Variants in MAGEA8 observed in about 807,000 individuals in gnomAD.
The protein encoded by MAGEA8 is MAGE family member A8.
For synonymous variants in MAGEA8, 104 were observed against 102.6 expected (o/e 1.01, Z -0.08); for missense variants, 229 against 251.1 (o/e 0.91, Z 0.59).
At chrX:149,881,576 G>C (rs2090727723) in intron 1 of MAGEA8, among the ~76,000 whole-genome samples, 2 of 92,451 alleles carry the variant, frequency 2.2e-5, no homozygotes, top group African/African-American at 7.9e-5. Context: ...CCTACTGTCA[G>C]CCCTGGGAAG....
intron 1 of MAGEA8, among the ~76,000 whole-genome samples, chrX:149,881,835 T>G (rs1557370591): frequency 9.1e-6 from 1 of 110,094 alleles, no homozygotes; most frequent in East Asian, 2.9e-4. Context: ...TGTCTGAGAC[T>G]GAGGGGCCTC....
chrX:149,884,289 A>C lies in MAGEA8; in HGVS notation c.17A>C (p.Lys6Thr). 1.7e-6 allele frequency: 2 copies of C among 1,194,764 alleles called. No individual in the cohort carries two copies. The highest frequency in any genetic ancestry group is 2.3e-6 in the Non-Finnish European group (2 of 886,954). MLLGQ[K>T]SQRYKAEEGL... is the part of the protein sequence containing the mutation. The stretch of plus-strand genomic sequence containing the variant: ...TGAGTCATCATGCTTCTTGGGCAGA[A>C]GAGTCAGCGCTACAAGGCTGAGGAA... The change falls in exon 3 of 3, where the codon AAG becomes ACG. Residue 6 changes from lysine (K) to threonine (T), a missense_variant. Transcript: ENST00000286482.
intron 1 of MAGEA8, chrX:149,883,180 T>C (rs1195622520): frequency 8.9e-6 from 1 of 111,855 alleles, no homozygotes; most frequent in Non-Finnish European, 1.9e-5. Context: ...ACCAGACTCA[T>C]TGGTCTCAGG....
rs184097953 is a variant in MAGEA8 at position 149,881,892 on chromosome X, G to T, written c.-126+607G>T. Among the ~76,000 whole-genome samples the T allele has an allele frequency of 4.5e-5, 5 of 109,954 alleles. 1 individual carries two copies. The highest frequency in any genetic ancestry group is 8.5e-3 in the Middle Eastern group (2 of 234). ...GAGGGACTGAAACTCAAGTCAGCAGGGGGGTGGTGAACAGCCCTGCCAGGA... is the reference window on the plus strand; with the variant it reads ...GAGGGACTGAAACTCAAGTCAGCAGTGGGGTGGTGAACAGCCCTGCCAGGA... On this transcript the variant is annotated intron_variant, in intron 1 of 2. Coordinates refer to ENST00000286482, the MANE Select transcript of MAGEA8 (RefSeq NM_005364.5).
chrX:149,883,994 C>A, intron 1 of MAGEA8, 79 bp from the exon 2 acceptor site: 1 of 321,311 alleles, frequency 3.1e-6, no homozygotes, highest in South Asian at 9.2e-5. Context: ...CTGGCCCTAC[C>A]AGCCCTTTTG....
chrX:149,882,235 C>G (rs1557370646), intron 1 of MAGEA8, among the ~76,000 whole-genome samples: 2 of 110,908 alleles, frequency 1.8e-5, no homozygotes, highest in African/African-American at 6.6e-5. Context: ...GGTAGGGGGC[C>G]TCAAGGAGAT....
chrX:149,881,621 ATGGCGGCCGG>A lies in MAGEA8; in HGVS notation c.-126+337_-126+346del, dbSNP rs2090729341. On this transcript the variant is annotated intron_variant, in intron 1 of 2. Coordinates refer to ENST00000286482, the MANE Select transcript of MAGEA8 (RefSeq NM_005364.5). ...TGGCGGCCGGGCATGGCGGCCGGGC[ATGGCGGCCGG>A]GCATGGCGGCCGGGCATGGCGGCCG... Among the ~76,000 whole-genome samples, 770 of 104,890 alleles carry A rather than the reference ATGGCGGCCGG, an allele frequency of 7.3e-3. 4 individuals are homozygous for A. Among genetic ancestry groups the A allele is most frequent in the Non-Finnish European group, 0.011 (518 of 48,803 alleles). The allele number at this position is 104,890 out of a possible 115,157, so 91.1% of individuals were successfully genotyped here. A position where few individuals can be genotyped will look rare whatever the true frequency, so the allele number is the denominator to read the frequency against.
At chrX:149,883,415 GA>G (rs1359111441) in intron 1 of MAGEA8, 6 of 111,860 alleles carry the variant, frequency 5.4e-5, no homozygotes, top group Non-Finnish European at 9.4e-5. Flanking sequence ...TTGGATTAAG[GA>G]AGTGGCCTCA....
chrX:149,884,338 A>G lies in MAGEA8; in HGVS notation c.66A>G (p.Ala22=). ...AEEGLQAQGE[A]PGLMDVQIPT... ...AAGGCCTTCAGGCCCAAGGAGAGGC[A>G]CCAGGGCTTATGGATGTGCAGATTC... Residue 22 remains alanine (A), a synonymous_variant, in exon 3 of 3, where the codon GCA becomes GCG. Transcript: ENST00000286482. The G allele has an allele frequency of 8.3e-7, 1 of 1,208,722 alleles. No homozygotes were observed. Among genetic ancestry groups the G allele is most frequent in the South Asian group, 1.8e-5 (1 of 56,289 alleles).
rs2090754129 is a variant in MAGEA8, at chrX:149,885,007, C to T, written c.735C>T (p.Leu245=). The change falls in exon 3 of 3, where the codon CTC becomes CTT. Residue 245 remains leucine (L), a synonymous_variant. Transcript: ENST00000286482. The part of the protein sequence containing the change: ...DGREHSVYWK[L]RKLLTQEWVQ... ...GGGAGCACAGTGTCTATTGGAAGCTCAGGAAGCTGCTCACCCAAGAGTGGG... is the reference window on the plus strand; with the variant it reads ...GGGAGCACAGTGTCTATTGGAAGCTTAGGAAGCTGCTCACCCAAGAGTGGG... 1.7e-6 allele frequency: 2 copies of T among 1,208,393 alleles called. No homozygotes were observed. Among genetic ancestry groups the T allele is most frequent in the South Asian group, 1.8e-5 (1 of 56,179 alleles).
At position 149,884,193 on chromosome X, in the gene MAGEA8, G is replaced by A. The variant is rs1479223365; in HGVS notation, c.-63-17G>A. 12 of 787,714 alleles carry A rather than the reference G, an allele frequency of 1.5e-5. 1 individual carries two copies. In the South Asian group the frequency reaches 2.0e-4, roughly 13 times the overall value. 64.9% of individuals were successfully genotyped at this position (787,714 alleles called of 1,213,427 possible). Reference sequence around the variant, plus strand: ...AGTACCCAGCTGAGGCCTCTCACACGCTTCCTCTCTCCCCAGGCCTGTGGG... The same window carrying A: ...AGTACCCAGCTGAGGCCTCTCACACACTTCCTCTCTCCCCAGGCCTGTGGG... On this transcript the variant is annotated splice_polypyrimidine_tract_variant and intron_variant, in intron 2 of 2. Coordinates refer to ENST00000286482, the MANE Select transcript of MAGEA8 (RefSeq NM_005364.5).
Position 149,881,251 on chromosome X carries a change from G to A in MAGEA8, c.-160G>A, listed in dbSNP as rs1274947428. The A allele has an allele frequency of 4.5e-5, 5 of 111,611 alleles. No homozygotes were observed. Among genetic ancestry groups the A allele is most frequent in the Non-Finnish European group, 9.4e-5 (5 of 53,029 alleles). 9.2% of individuals were successfully genotyped at this position (111,611 alleles called of 1,213,427 possible). A position where few individuals can be genotyped will look rare whatever the true frequency, so the allele number is the denominator to read the frequency against. On this transcript the variant is annotated 5_prime_UTR_variant, in exon 1 of 3. Coordinates refer to ENST00000286482, the MANE Select transcript of MAGEA8 (RefSeq NM_005364.5). ...CTGAGGGGTCGGCTTGAGATCGGCT[G>A]AGGGAAGCGGGCTCAGGGTCTGTGA...
intron 1 of MAGEA8, chrX:149,883,307 C>A (rs1286775886): frequency 9.1e-6 from 1 of 110,012 alleles, no homozygotes; most frequent in Admixed American, 9.5e-5. Context: ...AGGACCGAAC[C>A]CCACCCTGCA....
Position 149,885,374 on chromosome X carries a change from T to C in MAGEA8, c.*145T>C. ...TGTTTGAAGAGAGCAGTCACAGTTC[T>C]CAGTAGTGGGGAGCATGTTGGGTGT... On this transcript the variant is annotated 3_prime_UTR_variant, in exon 3 of 3. Coordinates refer to ENST00000286482, the MANE Select transcript of MAGEA8 (RefSeq NM_005364.5). 2.1e-6 allele frequency: 1 copy of C among 472,306 alleles called. No homozygotes were observed. Among genetic ancestry groups the C allele is most frequent in the Non-Finnish European group, 3.7e-6 (1 of 273,891 alleles). The allele number at this position is 472,306 out of a possible 1,213,427, so 38.9% of individuals were successfully genotyped here.
Position 149,884,967 on chromosome X carries a change from G to A in MAGEA8, c.695G>A (p.Gly232Glu), listed in dbSNP as rs45528440. ...EAIWEALSVM[G>E]LYDGREHSVY... ...ATCTGGGAAGCGTTGAGTGTGATGG[G>A]GCTGTATGATGGGAGGGAGCACAGT... Residue 232 changes from glycine to glutamate, a missense_variant, in exon 3 of 3, where the codon GGG becomes GAG. Transcript: ENST00000286482. The A allele has an allele frequency of 8.3e-7, 1 of 1,209,935 alleles. No individual in the cohort carries two copies. Among genetic ancestry groups the A allele is most frequent in the Non-Finnish European group, 1.1e-6 (1 of 894,518 alleles).
Position 149,885,256 on chromosome X carries a change from G to A in MAGEA8, c.*27G>A, listed in dbSNP as rs1557371084. 4 of 1,120,024 alleles carry A rather than the reference G, an allele frequency of 3.6e-6. No homozygotes were observed. The South Asian group carries it at 8.3e-5, about 23-fold the overall frequency. The allele number at this position is 1,120,024 out of a possible 1,213,427, so 92.3% of individuals were successfully genotyped here. A position where few individuals can be genotyped will look rare whatever the true frequency, so the allele number is the denominator to read the frequency against. The stretch of plus-strand genomic sequence containing the variant: ...CAGGAGTTGCAGCTAGGGCCAGTGG[G>A]GCAGGTTGTGGGAGGGCCTGGGCCA... On this transcript the variant is annotated 3_prime_UTR_variant, in exon 3 of 3. Coordinates refer to ENST00000286482, the MANE Select transcript of MAGEA8 (RefSeq NM_005364.5).
chrX:149,884,228 C>A lies in MAGEA8; in HGVS notation c.-45C>A. On this transcript the variant is annotated 5_prime_UTR_variant, in exon 3 of 3. Coordinates refer to ENST00000286482, the MANE Select transcript of MAGEA8 (RefSeq NM_005364.5). ...TCCCCAGGCCTGTGGGTCTCAATTGCCCAGCTCCGGCCCACACTCTCCTGC... is the reference window on the plus strand; with the variant it reads ...TCCCCAGGCCTGTGGGTCTCAATTGACCAGCTCCGGCCCACACTCTCCTGC... 9.3e-7 allele frequency: 1 copy of A among 1,075,208 alleles called. No individual in the cohort carries two copies. Among genetic ancestry groups the A allele is most frequent in the Non-Finnish European group, 1.3e-6 (1 of 786,710 alleles). 88.6% of individuals were successfully genotyped at this position (1,075,208 alleles called of 1,213,427 possible).
At chrX:149,882,903 A>G (rs1445788880) in intron 1 of MAGEA8, among the ~76,000 whole-genome samples, 2 of 110,643 alleles carry the variant, frequency 1.8e-5, no homozygotes, top group Non-Finnish European at 3.8e-5. Flanking sequence ...GTGGCTCCTC[A>G]TTTCTCTCTT....
chrX:149,884,604 C>T lies in MAGEA8; in HGVS notation c.332C>T (p.Ala111Val). The T allele has an allele frequency of 8.3e-7, 1 of 1,210,724 alleles. No individual in the cohort carries two copies. Among genetic ancestry groups the T allele is most frequent in the Non-Finnish European group, 1.1e-6 (1 of 894,782 alleles). ...CACCTGGAGTCCCTGTTCCGGGAAGCACTTGATGAGAAAGTGGCTGAGTTA... is the reference window on the plus strand; with the variant it reads ...CACCTGGAGTCCCTGTTCCGGGAAGTACTTGATGAGAAAGTGGCTGAGTTA... ...PAHLESLFRE[A>V]LDEKVAELVR... Residue 111 changes from alanine (A) to valine (V), a missense_variant, in exon 3 of 3, where the codon GCA becomes GTA. Transcript: ENST00000286482.
Sources: gnomAD v4.1 joint callset for allele counts (sites outside exome capture counted in the v4.1 genomes callset) on GRCh38, gnomAD v4.1.1 for gene constraint, MANE v1.5 for transcripts, NCBI Gene and HGNC (gene_info 2026-07-23, HGNC 2026-07-21) for gene names.